Variants in ATP2C1 observed in about 807,000 individuals in gnomAD.
ATP2C1 encodes the protein calcium-transporting ATPase type 2C member 1.
Under a neutral mutation model 120.5 loss-of-function variants are expected in ATP2C1, and 31 were observed. The observed-to-expected ratio is 0.26, with a 90% CI of 0.19 to 0.35. The LOEUF is 0.35. Ranked by LOEUF, ATP2C1 falls within the 10% of genes least tolerant of loss-of-function variation. The pLI, the probability that ATP2C1 is intolerant of heterozygous loss-of-function variation, is 1.00. For synonymous variants in ATP2C1, 351 were observed against 358.7 expected (o/e 0.98, Z 0.24); for missense variants, 731 against 1,107.5 (o/e 0.66, Z 4.83).
intron 26 of ATP2C1, among the ~76,000 whole-genome samples, chr3:130,998,860 G>A (rs1377760358): frequency 6.6e-6 from 1 of 152,080 alleles, no homozygotes; most frequent in Non-Finnish European, 1.5e-5. Flanking sequence ...GTATCTTAAG[G>A]TGTGACTGCT....
intron 2 of ATP2C1, chr3:130,929,980 G>A (rs2059384759): frequency 3.4e-6 from 1 of 290,798 alleles, no homozygotes. Context: ...TCTTTTCTGG[G>A]TAGATCAGCT....
At chr3:130,996,223 C>A in intron 23 of ATP2C1, 112 bp downstream of exon 23, 1 of 832,978 alleles carries the variant, frequency 1.2e-6, no homozygotes, top group Non-Finnish European at 2.0e-6. Flanking sequence ...GAGCATTGTT[C>A]ATATGTCAGT....
intron 8 of ATP2C1, among the ~76,000 whole-genome samples, chr3:130,942,029 G>A (rs1012805259): frequency 3.3e-5 from 5 of 152,134 alleles, no homozygotes; most frequent in Non-Finnish European, 5.9e-5. Flanking sequence ...ATAGAACTCA[G>A]TAATTGAGTA....
At chr3:130,955,125 A>G (rs759437504) in intron 10 of ATP2C1, 45 bp downstream of exon 10, 2 of 1,287,968 alleles carry the variant, frequency 1.6e-6, no homozygotes, top group Non-Finnish European at 2.3e-6. Flanking sequence ...CAAATCTGAA[A>G]TTCTTCATTG....
At position 131,014,118 on chromosome 3, in the gene ATP2C1, C is replaced by T. The variant is rs753155621; in HGVS notation, c.2630-2034C>T. On this transcript the variant is annotated intron_variant, in intron 26 of 26. Transcript: ENST00000328560. ...GTTTTCAACCATTAACAACCCAAAC[C>T]GGTTGTTTCCCTCATACCAACACTT... is the stretch of plus-strand genomic sequence containing the variant. 63 of 1,610,816 alleles carry T rather than the reference C, an allele frequency of 3.9e-5. No individual in the cohort carries two copies. Among genetic ancestry groups the T allele is most frequent in the Non-Finnish European group, 4.8e-5 (57 of 1,179,264 alleles).
chr3:130,967,480 T>G, intron 16 of ATP2C1, 61 bp downstream of exon 16: 1 of 1,371,424 alleles, frequency 7.3e-7, no homozygotes, highest in South Asian at 1.2e-5. Context: ...CAGAATGCAG[T>G]GTCATCAATT....
chr3:130,993,806 G>T (rs1419050111), intron 21 of ATP2C1, 126 bp from the exon 22 acceptor site: 2 of 942,846 alleles, frequency 2.1e-6, no homozygotes, highest in Non-Finnish European at 3.3e-6. Context: ...TTGAACAATG[G>T]GTGGTCTATA....
At chr3:130,895,447 G>A (rs2069530971) in intron 2 of ATP2C1, among the ~76,000 whole-genome samples, 1 of 152,142 alleles carries the variant, frequency 6.6e-6, no homozygotes, top group African/African-American at 2.4e-5. Flanking sequence ...AATATTTAAT[G>A]CTTTTCCTAC....
chr3:130,894,644 G>A lies in ATP2C1; in HGVS notation c.-126G>A. The A allele has an allele frequency of 1.2e-6, 2 of 1,605,650 alleles. No homozygotes were observed. The highest frequency in any genetic ancestry group is 1.7e-6 in the Non-Finnish European group (2 of 1,174,948). ...CGTGGGACGCGTGGCCGGGAGCGGG[G>A]GTGACAGCCTGGGATTCCGGGGGCT... On this transcript the variant is annotated 5_prime_UTR_variant, in exon 2 of 28. Transcript: ENST00000510168. The surrounding 1 kb of genome is among the most constrained non-coding windows in gnomAD (Gnocchi z 4.5).
At chr3:130,859,697 C>T (rs1009176309) in intron 1 of ATP2C1, among the ~76,000 whole-genome samples, 3 of 152,120 alleles carry the variant, frequency 2.0e-5, no homozygotes, top group East Asian at 3.9e-4. Flanking sequence ...GCCTAAGAGA[C>T]ACCTGGACCC....
chr3:130,897,872 G>GT (rs1270087857), intron 2 of ATP2C1, among the ~76,000 whole-genome samples: 2 of 152,178 alleles, frequency 1.3e-5, no homozygotes, highest in African/African-American at 2.4e-5. Flanking sequence ...TCAGTCGTGA[G>GT]TTAGGATTTT....
At chr3:130,877,934 T>C (rs1024801408) in intron 1 of ATP2C1, among the ~76,000 whole-genome samples, 8 of 152,142 alleles carry the variant, frequency 5.3e-5, no homozygotes, top group South Asian at 4.2e-4. Flanking sequence ...GTGGCACATA[T>C]ACACCATGGA....
chr3:130,855,266 C>T, intron 1 of ATP2C1, among the ~76,000 whole-genome samples: 1 of 152,082 alleles, frequency 6.6e-6, no homozygotes, highest in Non-Finnish European at 1.5e-5. Context: ...CTTATTTTAG[C>T]TCAATGCGGG....
chr3:130,942,167 A>G (rs1341069160), intron 8 of ATP2C1, among the ~76,000 whole-genome samples: 1 of 152,242 alleles, frequency 6.6e-6, no homozygotes, highest in African/African-American at 2.4e-5. Context: ...GTACTGGACA[A>G]AGATGGGGAA....
In ATP2C1 at chr3:130,950,235, AT is replaced by A. The variant is rs531931249; in HGVS notation, c.532-3581del. On this transcript the variant is annotated intron_variant, in intron 8 of 27. Transcript: ENST00000510168. ...CGTCTTGATTCTTATTTATATTCTG[AT>A]TTTTGAACTGTTTTATAGCATATTC... Among the ~76,000 whole-genome samples, 9 of 152,108 alleles carry A rather than the reference AT, an allele frequency of 5.9e-5. No individual in the cohort carries two copies. The South Asian group carries it at 1.9e-3, about 32-fold the overall frequency.
At position 130,953,989 on chromosome 3, in the gene ATP2C1, C is replaced by G; in HGVS notation, c.687+13C>G. 1 of 1,613,522 alleles carries G rather than the reference C, an allele frequency of 6.2e-7. No homozygotes were observed. Among genetic ancestry groups the G allele is most frequent in the Admixed American group, 1.7e-5 (1 of 59,968 alleles). ...TGGCAAAGCAAAGGTAAATTTTTTT[C>G]CTGATTTGAAAAAAGCAGTTCCTTT... On this transcript the variant is annotated intron_variant, in intron 9 of 27. Transcript: ENST00000510168.
In ATP2C1 at chr3:130,894,149, T is replaced by TGGCCCACC; in HGVS notation, c.-369_-368insGGCCCACC. On this transcript the variant is annotated 5_prime_UTR_variant, in exon 1 of 28. Coordinates refer to ENST00000510168, the MANE Select transcript of ATP2C1 (RefSeq NM_001378687.1). The surrounding 1 kb of genome is among the most constrained non-coding windows in gnomAD (Gnocchi z 4.5). ...ACGGGTCCCCTCACCTCCTCTTCTCTCCCCTCCCCGCCCGCCCTCTCTCCC... is the reference window on the plus strand; with the variant it reads ...ACGGGTCCCCTCACCTCCTCTTCTCTGGCCCACCCCCCTCCCCGCCCGCCCTCTCTCCC... 1.4e-6 allele frequency: 1 copy of TGGCCCACC among 694,858 alleles called. No individual in the cohort carries two copies. Among genetic ancestry groups the TGGCCCACC allele is most frequent in the Non-Finnish European group, 1.8e-6 (1 of 565,212 alleles). The allele number at this position is 694,858 out of a possible 1,614,324, so 43.0% of individuals were successfully genotyped here.
chr3:130,860,410 G>C (rs570975744), intron 1 of ATP2C1, among the ~76,000 whole-genome samples: 7 of 152,212 alleles, frequency 4.6e-5, no homozygotes, highest in Admixed American at 1.3e-4. Flanking sequence ...TGGCATATTA[G>C]TAAGGCTATT....
At chr3:130,941,412 A>G (rs1024468612) in intron 7 of ATP2C1, among the ~76,000 whole-genome samples, 179 bp from the exon 8 acceptor site, 1 of 152,196 alleles carries the variant, frequency 6.6e-6, no homozygotes, top group Non-Finnish European at 1.5e-5. Context: ...CATTTGAACA[A>G]ATAATTTGTT....
Sources: allele counts gnomAD v4.1 joint callset (sites outside exome capture counted in the v4.1 genomes callset), GRCh38; gene constraint gnomAD v4.1.1; non-coding constraint Gnocchi (gnomAD v3.1); transcripts MANE v1.5; gene names NCBI Gene and HGNC (gene_info 2026-07-23, HGNC 2026-07-21).